Variants in PRIMA1 observed in about 807,000 individuals in gnomAD.
PRIMA1 encodes the protein proline rich membrane anchor 1.
PRIMA1 carries 7 observed loss-of-function variants against 17.5 expected under a neutral mutation model. The ratio of observed to expected loss-of-function variants is 0.40; its 90% CI spans 0.23 to 0.75. PRIMA1 has a LOEUF of 0.75. PRIMA1 is among the 30% of genes least tolerant of loss of function. The pLI is 0.37. For missense variants in PRIMA1, 200 were observed against 201.8 expected (o/e 0.99, Z 0.05); for synonymous variants, 97 against 77.9 (o/e 1.25, Z -1.29).
rs2076026329 is a variant in PRIMA1 at position 93,719,918 on chromosome 14, C to CTCCG, written c.*1522_*1525dup. The CTCCG allele has an allele frequency of 6.6e-6, 1 of 152,308 alleles. No individual in the cohort carries two copies. Among genetic ancestry groups the CTCCG allele is most frequent in the African/African-American group, 2.4e-5 (1 of 41,462 alleles). The allele number at this position is 152,308 out of a possible 1,614,324, so 9.4% of individuals were successfully genotyped here. On this transcript the variant is annotated 3_prime_UTR_variant, in exon 5 of 5. Transcript: ENST00000393140. Reference sequence around the variant, plus strand: ...GGGCAGGACAATGACACACAGACAGCTCCGTGGGCACTAGGACTCTGGGAC... The same window carrying CTCCG: ...GGGCAGGACAATGACACACAGACAGCTCCGTCCGTGGGCACTAGGACTCTGGGAC...
At chr14:93,756,453 G>A (rs944831225) in intron 3 of PRIMA1, among the ~76,000 whole-genome samples, 38 of 152,204 alleles carry the variant, frequency 2.5e-4, no homozygotes, top group African/African-American at 9.2e-4. Context: ...TCCTGGGGCT[G>A]TCCTCTGCCT....
At chr14:93,749,240 C>A (rs569343295) in intron 3 of PRIMA1, among the ~76,000 whole-genome samples, 2 of 152,332 alleles carry the variant, frequency 1.3e-5, no homozygotes, top group East Asian at 1.9e-4. Flanking sequence ...TTTAGGGCAG[C>A]CCAGTGCCTT....
intron 1 of PRIMA1, among the ~76,000 whole-genome samples, chr14:93,788,199 C>T (rs941341328): frequency 6.6e-6 from 1 of 152,232 alleles, no homozygotes; most frequent in East Asian, 1.9e-4. Context: ...CTCCTGCCTG[C>T]ACCCTCGCTG....
intron 3 of PRIMA1, among the ~76,000 whole-genome samples, chr14:93,740,652 G>C (rs1398923781): frequency 1.3e-5 from 2 of 152,242 alleles, no homozygotes; most frequent in Admixed American, 6.5e-5. Flanking sequence ...GCTGGGGACA[G>C]AGCTACCAGT....
chr14:93,736,381 G>T (rs545793230), intron 4 of PRIMA1, among the ~76,000 whole-genome samples: 2 of 152,388 alleles, frequency 1.3e-5, no homozygotes, highest in South Asian at 4.1e-4. Flanking sequence ...CTAAGAGAAC[G>T]TTGGTGAGGA....
At chr14:93,737,210 T>A in intron 4 of PRIMA1, 31 bp downstream of exon 4, 1 of 1,611,238 alleles carries the variant, frequency 6.2e-7, no homozygotes, top group Non-Finnish European at 8.5e-7. Context: ...TCCCTTCGGC[T>A]TGAAGCTGGG....
chr14:93,785,829 TTTGTA>T (rs1885507702), intron 2 of PRIMA1, among the ~76,000 whole-genome samples: 1 of 152,122 alleles, frequency 6.6e-6, no homozygotes, highest in South Asian at 2.1e-4. Flanking sequence ...TGAAAATTGA[TTTGTA>T]TTGAGTGAGA....
chr14:93,781,781 C>T (rs1366307173), intron 2 of PRIMA1, among the ~76,000 whole-genome samples: 1 of 150,378 alleles, frequency 6.6e-6, no homozygotes, highest in Non-Finnish European at 1.5e-5. Flanking sequence ...TCGAGACCAG[C>T]CTGGCCAACG....
chr14:93,747,243 C>T (rs2076224000), intron 3 of PRIMA1, among the ~76,000 whole-genome samples: 1 of 152,102 alleles, frequency 6.6e-6, no homozygotes, highest in East Asian at 1.9e-4. Context: ...CAGGAAGGGA[C>T]GTCCAGGAGG....
intron 3 of PRIMA1, among the ~76,000 whole-genome samples, chr14:93,745,954 G>A (rs529932899): frequency 3.5e-4 from 53 of 152,278 alleles, no homozygotes; most frequent in African/African-American, 1.2e-3. Context: ...TGAGAGACAC[G>A]ATCAGAGAGC....
At chr14:93,764,862 C>T (rs547775199) in intron 3 of PRIMA1, among the ~76,000 whole-genome samples, 43 of 152,230 alleles carry the variant, frequency 2.8e-4, no homozygotes, top group Admixed American at 7.9e-4. Context: ...ATATATCTGC[C>T]CAGGAAAGTG....
At chr14:93,727,144 G>A (rs2076083303) in intron 4 of PRIMA1, among the ~76,000 whole-genome samples, 1 of 152,200 alleles carries the variant, frequency 6.6e-6, no homozygotes, top group African/African-American at 2.4e-5. Context: ...CACAGCCAGT[G>A]GGACCCACTG....
At chr14:93,752,508 A>G (rs997577320) in intron 3 of PRIMA1, among the ~76,000 whole-genome samples, 1 of 152,156 alleles carries the variant, frequency 6.6e-6, no homozygotes, top group African/African-American at 2.4e-5. Flanking sequence ...AGTACTCACT[A>G]TATCTTCCTG....
At chr14:93,750,294 T>TG (rs1230605139) in intron 3 of PRIMA1, among the ~76,000 whole-genome samples, 1 of 151,944 alleles carries the variant, frequency 6.6e-6, no homozygotes, top group Admixed American at 6.6e-5. Context: ...ACTTGGGACT[T>TG]GCACTGGGAG....
At position 93,726,860 on chromosome 14, in the gene PRIMA1, C is replaced by T. The variant is rs928320027; in HGVS notation, c.360-5314G>A. Among the ~76,000 whole-genome samples, 4 of 152,158 alleles carry T rather than the reference C, an allele frequency of 2.6e-5. No homozygotes were observed. Among genetic ancestry groups the T allele is most frequent in the East Asian group, 1.9e-4 (1 of 5,186 alleles). ...ACATGTCCCTACACACATATGCACACATACACATATGTGCACATGCATGCA... is the reference window on the plus strand; with the variant it reads ...ACATGTCCCTACACACATATGCACATATACACATATGTGCACATGCATGCA... On this transcript the variant is annotated intron_variant, in intron 4 of 4. Coordinates refer to ENST00000393140, the MANE Select transcript of PRIMA1 (RefSeq NM_178013.4). This position sits in a 1 kb window ranked among gnomAD's most constrained non-coding sequence, Gnocchi z 4.2.
At chr14:93,783,200 AATC>A (rs1390568259) in intron 2 of PRIMA1, among the ~76,000 whole-genome samples, 1 of 152,242 alleles carries the variant, frequency 6.6e-6, no homozygotes, top group Non-Finnish European at 1.5e-5. Context: ...AATCCTGAAC[AATC>A]ATGACTTTCT....
chr14:93,747,832 TGA>T (rs201107721), intron 3 of PRIMA1, among the ~76,000 whole-genome samples: 2,161 of 149,378 alleles, frequency 0.014, 41 homozygotes, highest in African/African-American at 0.047. Flanking sequence ...TGATTGTGTG[TGA>T]GAGTGTATGA....
chr14:93,731,101 T>C (rs1434001790), intron 4 of PRIMA1, among the ~76,000 whole-genome samples: 1 of 152,186 alleles, frequency 6.6e-6, no homozygotes, highest in Non-Finnish European at 1.5e-5. Flanking sequence ...AACAGCATAG[T>C]ACGCTATGTG....
At chr14:93,767,553 C>T (rs771398081) in intron 3 of PRIMA1, among the ~76,000 whole-genome samples, 34 of 152,338 alleles carry the variant, frequency 2.2e-4, no homozygotes, top group Middle Eastern at 3.4e-3. Context: ...ACTCACTGTT[C>T]CTGCATCACA....
Sources: gnomAD v4.1 joint callset for allele counts (sites outside exome capture counted in the v4.1 genomes callset) on GRCh38, gnomAD v4.1.1 for gene constraint, Gnocchi (gnomAD v3.1) non-coding constraint, MANE v1.5 for transcripts, NCBI Gene and HGNC (gene_info 2026-07-23, HGNC 2026-07-21) for gene names.